CHST8: variants seen among roughly 807,000 people sequenced by gnomAD.
CHST8 encodes the protein GALNAC-4-ST1.
Under a neutral mutation model 15.0 loss-of-function variants are expected in CHST8, and 10 were observed. That is an observed-to-expected ratio of 0.67 (90% CI 0.41 to 1.13). The LOEUF (loss-of-function observed/expected upper bound fraction) is 1.13, where lower values mean the gene tolerates loss of function less well. CHST8 is among the 50% of genes most tolerant of loss of function. The pLI, the probability that CHST8 is intolerant of heterozygous loss-of-function variation, is 0.00. For synonymous variants in CHST8, 259 were observed against 256.6 expected (o/e 1.01, Z -0.09); for missense variants, 634 against 608.2 (o/e 1.04, Z -0.45).
chr19:33,692,870 C>T (rs559075612), intron 3 of CHST8, among the ~76,000 whole-genome samples: 91 of 152,216 alleles, frequency 6.0e-4, no homozygotes, highest in Non-Finnish European at 1.2e-3. Context: ...CACCACATAC[C>T]GGGCACCCAG....
Position 33,772,852 on chromosome 19 carries a change from C to G in CHST8, c.1064C>G (p.Ala355Gly). 6.2e-7 allele frequency: 1 copy of G among 1,613,540 alleles called. No homozygotes were observed. The highest frequency in any genetic ancestry group is 8.5e-7 in the Non-Finnish European group (1 of 1,180,040). ...VGKFESMEDD[A>G]NFFLSLIRAP... Reference sequence around the variant, plus strand: ...AAGTTCGAGAGCATGGAGGACGATGCCAACTTCTTCCTGAGCCTCATCCGC... The same window carrying G: ...AAGTTCGAGAGCATGGAGGACGATGGCAACTTCTTCCTGAGCCTCATCCGC... Residue 355 changes from alanine (A) to glycine (G), a missense_variant, in exon 5 of 5, where the codon GCC becomes GGC. Transcript: ENST00000650847.
At chr19:33,640,738 C>A (rs1282501450) in intron 1 of CHST8, among the ~76,000 whole-genome samples, 1 of 152,208 alleles carries the variant, frequency 6.6e-6, no homozygotes, top group Non-Finnish European at 1.5e-5. Context: ...CCTCTTGCAT[C>A]TCTGGCCCTT....
chr19:33,714,503 A>G (rs1454066664), intron 3 of CHST8, among the ~76,000 whole-genome samples: 1 of 152,038 alleles, frequency 6.6e-6, no homozygotes, highest in Admixed American at 6.5e-5. Flanking sequence ...AGGTGGGAGG[A>G]TAAGAGGGGC....
At chr19:33,685,559 T>C (rs1302327762) in intron 2 of CHST8, among the ~76,000 whole-genome samples, 1 of 152,070 alleles carries the variant, frequency 6.6e-6, no homozygotes, top group African/African-American at 2.4e-5. Context: ...TTGGGATGGG[T>C]GTAAGCAGGT....
rs574586455 is a variant in CHST8 at position 33,655,252 on chromosome 19, G to C, written c.-163-12515G>C. Among the ~76,000 whole-genome samples, 8 of 152,252 alleles carry C rather than the reference G, an allele frequency of 5.3e-5. No individual in the cohort carries two copies. In the South Asian group the frequency reaches 1.7e-3, roughly 32 times the overall value. On this transcript the variant is annotated intron_variant, in intron 1 of 4. Transcript: ENST00000650847. Reference sequence around the variant, plus strand: ...GGGTTTTGCCATGTTGACCAGGCTGGTCTCGAACTCCTAATCTCAAGAGAT... The same window carrying C: ...GGGTTTTGCCATGTTGACCAGGCTGCTCTCGAACTCCTAATCTCAAGAGAT...
intron 1 of CHST8, among the ~76,000 whole-genome samples, chr19:33,664,495 A>C (rs112373940): frequency 0.026 from 3,223 of 126,208 alleles, 114 homozygotes; most frequent in African/African-American, 0.084. Flanking sequence ...TCCTGTGTCC[A>C]TGTGTTCTCA....
intron 2 of CHST8, among the ~76,000 whole-genome samples, chr19:33,687,128 C>A (rs1972995122): frequency 6.6e-6 from 1 of 152,254 alleles, no homozygotes; most frequent in Admixed American, 6.5e-5. Context: ...TCTCCTGAGG[C>A]TTTGGGGCTG....
chr19:33,708,775 T>C (rs1228869733), intron 3 of CHST8, among the ~76,000 whole-genome samples: 1 of 152,220 alleles, frequency 6.6e-6, no homozygotes, highest in Admixed American at 6.5e-5. Flanking sequence ...CAACACCTGC[T>C]GTGACTTGAT....
chr19:33,678,249 T>A (rs989100671), intron 2 of CHST8, among the ~76,000 whole-genome samples: 2 of 152,142 alleles, frequency 1.3e-5, no homozygotes, highest in Non-Finnish European at 2.9e-5. Context: ...GATGTTCCTG[T>A]CCCATGCACA....
chr19:33,625,232 T>A (rs1393745682), intron 1 of CHST8, among the ~76,000 whole-genome samples: 1 of 150,686 alleles, frequency 6.6e-6, no homozygotes, highest in Non-Finnish European at 1.5e-5. Flanking sequence ...ATTACAGGCA[T>A]GCGCCACCAC....
At chr19:33,689,073 A>G (rs375944215) in intron 2 of CHST8, 103 bp from the exon 3 acceptor site, 6 of 546,108 alleles carry the variant, frequency 1.1e-5, no homozygotes, top group African/African-American at 3.9e-5. Flanking sequence ...TGTAGAGGGC[A>G]GAGTCATCCG....
At chr19:33,742,580 T>G (rs896613007) in intron 3 of CHST8, among the ~76,000 whole-genome samples, 8 of 152,104 alleles carry the variant, frequency 5.3e-5, no homozygotes, top group Non-Finnish European at 7.4e-5. Flanking sequence ...CCCACCAGAC[T>G]CCACCTCTAC....
chr19:33,768,444 TTTTC>T (rs1288910838), intron 3 of CHST8, among the ~76,000 whole-genome samples: 1 of 152,082 alleles, frequency 6.6e-6, no homozygotes, highest in Non-Finnish European at 1.5e-5. Flanking sequence ...TTTTTTTTCT[TTTTC>T]TTTATTTTAT....
intron 1 of CHST8, among the ~76,000 whole-genome samples, chr19:33,622,761 G>A (rs937637812): frequency 6.6e-6 from 1 of 152,174 alleles, no homozygotes; most frequent in Non-Finnish European, 1.5e-5. Context: ...GACTATGGGG[G>A]AAGTTTAAGT....
At chr19:33,667,720 A>G (rs1972681162) in intron 1 of CHST8, 47 bp from the exon 2 acceptor site, 2 of 152,190 alleles carry the variant, frequency 1.3e-5, no homozygotes, top group Non-Finnish European at 2.9e-5. Context: ...GCTCATTTTA[A>G]TGCTTGCTGG....
intron 3 of CHST8, among the ~76,000 whole-genome samples, chr19:33,754,059 C>G (rs1292215098): frequency 2.8e-5 from 1 of 35,632 alleles, no homozygotes; most frequent in Non-Finnish European, 5.6e-5. Context: ...CAACCTCCCA[C>G]CATCCCCACA....
chr19:33,752,694 T>C (rs937014887), intron 3 of CHST8, among the ~76,000 whole-genome samples: 4 of 152,160 alleles, frequency 2.6e-5, no homozygotes, highest in Non-Finnish European at 4.4e-5. Flanking sequence ...ATTGTGGCAA[T>C]TAAAATCCTT....
At chr19:33,763,860 C>T (rs1233583429) in intron 3 of CHST8, among the ~76,000 whole-genome samples, 2 of 152,210 alleles carry the variant, frequency 1.3e-5, no homozygotes, top group Admixed American at 6.5e-5. Flanking sequence ...AAGGGCAGAG[C>T]CTGAGCCGGT....
At chr19:33,631,172 G>GCAGC (rs1972116827) in intron 1 of CHST8, among the ~76,000 whole-genome samples, 2 of 152,244 alleles carry the variant, frequency 1.3e-5, no homozygotes, top group African/African-American at 2.4e-5. Flanking sequence ...TTGAGCTGGG[G>GCAGC]CAGCCAGCCT....
Sources: allele counts gnomAD v4.1 joint callset (sites outside exome capture counted in the v4.1 genomes callset), GRCh38; gene constraint gnomAD v4.1.1; transcripts MANE v1.5; gene names NCBI Gene and HGNC (gene_info 2026-07-23, HGNC 2026-07-21).